Variants in DENND11 observed in about 807,000 individuals in gnomAD.
The protein encoded by DENND11 is DENN domain-containing protein 11.
DENND11 carries 34 observed loss-of-function variants against 49.2 expected under a neutral mutation model. That is an observed-to-expected ratio of 0.69 (90% confidence interval 0.53 to 0.92). DENND11 has a LOEUF of 0.92. DENND11 is among the 40% of genes least tolerant of loss of function. The pLI is 0.00. For synonymous variants in DENND11, 238 were observed against 230.3 expected (o/e 1.03, Z -0.30); for missense variants, 475 against 581.6 (o/e 0.82, Z 1.88).
chr7:141,701,805 C>A (rs1337728113), intron 1 of DENND11, 81 bp downstream of exon 1: 20 of 1,081,264 alleles, frequency 1.8e-5, no homozygotes, highest in Non-Finnish European at 2.3e-5. Flanking sequence ...GGTGCGCGCG[C>A]AGCGAGCCCC....
intron 4 of DENND11, among the ~76,000 whole-genome samples, chr7:141,671,898 G>T (rs140385176): frequency 8.2e-4 from 125 of 152,340 alleles, no homozygotes; most frequent in African/African-American, 2.9e-3. Context: ...ACCTGCAAAT[G>T]ACAATTCCTA....
chr7:141,693,409 A>G (rs1429161115), intron 1 of DENND11, among the ~76,000 whole-genome samples: 1 of 152,252 alleles, frequency 6.6e-6, no homozygotes, highest in Non-Finnish European at 1.5e-5. Context: ...ATAAAATGGC[A>G]CAACCACTTT....
chr7:141,675,596 C>A (rs530198895), intron 3 of DENND11, among the ~76,000 whole-genome samples: 88 of 152,252 alleles, frequency 5.8e-4, no homozygotes, highest in African/African-American at 2.1e-3. Flanking sequence ...AAAATAGGCA[C>A]TCCCCGCTGC....
intron 2 of DENND11, among the ~76,000 whole-genome samples, chr7:141,685,912 C>T (rs1282114795): frequency 6.6e-6 from 1 of 152,200 alleles, no homozygotes; most frequent in African/African-American, 2.4e-5. Context: ...TGCACCACGA[C>T]TAATGACTTG....
intron 5 of DENND11, among the ~76,000 whole-genome samples, chr7:141,665,895 T>C (rs1355229099): frequency 6.6e-6 from 1 of 151,716 alleles, no homozygotes; most frequent in Admixed American, 6.6e-5. Flanking sequence ...ACTAACCTTA[T>C]CAAGCCAGCC....
At chr7:141,683,419 T>C (rs1161984268) in intron 3 of DENND11, among the ~76,000 whole-genome samples, 1 of 152,044 alleles carries the variant, frequency 6.6e-6, no homozygotes, top group Non-Finnish European at 1.5e-5. Context: ...GGTGGGCAGA[T>C]CACGAGGTCA....
At chr7:141,662,984 TAAAAA>T in intron 8 of DENND11, 133 bp from the exon 9 acceptor site, 1 of 601,984 alleles carries the variant, frequency 1.7e-6, no homozygotes. Context: ...AGGTATCTTT[TAAAAA>T]AAGAAAAGAG....
chr7:141,700,490 AAG>A lies in DENND11; in HGVS notation c.268+1394_268+1395del, dbSNP rs985227067. Among the ~76,000 whole-genome samples, 421 of 151,946 alleles carry A rather than the reference AAG, an allele frequency of 2.8e-3. 1 individual carries two copies. Among genetic ancestry groups the A allele is most frequent in the Non-Finnish European group, 3.4e-3 (228 of 67,950 alleles). ...GAGACACTGTCTGAAAAAAAAAAAAAAGAGAGAGAAAAAAGAATGCATTACAT... is the reference window on the plus strand; with the variant it reads ...GAGACACTGTCTGAAAAAAAAAAAAAAGAGAGAAAAAAGAATGCATTACAT... On this transcript the variant is annotated intron_variant, in intron 1 of 8. Transcript: ENST00000536163.
In DENND11 at chr7:141,662,763, G is replaced by T; in HGVS notation, c.1261C>A (p.Arg421=). The T allele has an allele frequency of 6.2e-7, 1 of 1,609,608 alleles. No individual in the cohort carries two copies. Among genetic ancestry groups the T allele is most frequent in the African/African-American group, 1.3e-5 (1 of 74,916 alleles). Residue 421 remains arginine, a synonymous_variant, in exon 9 of 9, where the codon CGG becomes AGG. Transcript: ENST00000536163. ...CCTTGGGGGTCTAGGCCCATGCCCC[G>T]GGCATGCTCTGCTGTCAGAGTTTTG... ...QDKTLTAEHA[R]GMGLDPQGDR...
intron 5 of DENND11, among the ~76,000 whole-genome samples, chr7:141,665,565 GTCTTGCTTAGAATTTGAC>G (rs1330482350): frequency 6.6e-6 from 1 of 152,066 alleles, no homozygotes; most frequent in Non-Finnish European, 1.5e-5. Context: ...TCTCTAGCTG[GTCTTGCTTAGAATTTGAC>G]CTTGTCAGAA....
chr7:141,696,578 G>T (rs973718939), intron 1 of DENND11, among the ~76,000 whole-genome samples: 1 of 152,172 alleles, frequency 6.6e-6, no homozygotes, highest in Non-Finnish European at 1.5e-5. Flanking sequence ...GACCTCAGGA[G>T]TGGAACTCCC....
chr7:141,686,722 A>T (rs1407882983), intron 1 of DENND11, 64 bp from the exon 2 acceptor site: 1 of 1,113,668 alleles, frequency 9.0e-7, no homozygotes, highest in African/African-American at 1.5e-5. Flanking sequence ...GGGTTAGTAC[A>T]GGGCTTAGCA....
intron 8 of DENND11, chr7:141,663,849 T>C: frequency 3.0e-6 from 1 of 333,416 alleles, no homozygotes; most frequent in Non-Finnish European, 5.5e-6. Context: ...AAGGAGGCAA[T>C]GGAAATGAGA....
At chr7:141,695,847 C>G (rs1486212978) in intron 1 of DENND11, among the ~76,000 whole-genome samples, 1 of 152,176 alleles carries the variant, frequency 6.6e-6, no homozygotes, top group Non-Finnish European at 1.5e-5. Flanking sequence ...ACAGGCACTT[C>G]CTAGCCTCTA....
intron 1 of DENND11, among the ~76,000 whole-genome samples, chr7:141,687,631 A>ACTTTTTTTTTTTTTTTTTTTTTTTTT (rs1554410465): frequency 8.9e-6 from 1 of 112,826 alleles, no homozygotes; most frequent in African/African-American, 3.3e-5. Flanking sequence ...CACTCGGCTA[A>ACTTTTTTTTTTTTTTTTTTTTTTTTT]TTTTTTTTTT....
intron 1 of DENND11, chr7:141,701,469 G>GGGA: frequency 6.8e-6 from 1 of 146,694 alleles, no homozygotes; most frequent in African/African-American, 2.5e-5. Context: ...GGAGCTCAGG[G>GGGA]CGCTCGCCCG....
At chr7:141,694,060 G>A (rs944241871) in intron 1 of DENND11, among the ~76,000 whole-genome samples, 1 of 152,132 alleles carries the variant, frequency 6.6e-6, no homozygotes, top group Non-Finnish European at 1.5e-5. Flanking sequence ...AATTATATGT[G>A]TATGAGTGAG....
rs369386094 is a variant in DENND11, at chr7:141,662,759, C to G, written c.1265G>C (p.Gly422Ala). 6.2e-7 allele frequency: 1 copy of G among 1,610,250 alleles called. No individual in the cohort carries two copies. The highest frequency in any genetic ancestry group is 2.2e-5 in the East Asian group (1 of 44,738). The change falls in exon 9 of 9, where the codon GGC becomes GCC. Residue 422 changes from glycine (G) to alanine (A), a missense_variant. By Grantham distance (60) the Gly-to-Ala change is moderately conservative. Coordinates refer to ENST00000536163, the MANE Select transcript of DENND11 (RefSeq NM_001080392.2). ...DKTLTAEHARGMGLDPQGDRS... is the reference protein window; with the variant it reads ...DKTLTAEHARAMGLDPQGDRS... Reference sequence around the variant, plus strand: ...GTCTCCTTGGGGGTCTAGGCCCATGCCCCGGGCATGCTCTGCTGTCAGAGT... The same window carrying G: ...GTCTCCTTGGGGGTCTAGGCCCATGGCCCGGGCATGCTCTGCTGTCAGAGT...
intron 1 of DENND11, among the ~76,000 whole-genome samples, chr7:141,693,316 C>A (rs920174992): frequency 2.6e-5 from 4 of 152,184 alleles, no homozygotes; most frequent in Non-Finnish European, 4.4e-5. Context: ...GATATCATGA[C>A]ACACATATCA....
Sources: gnomAD v4.1 joint callset for allele counts (sites outside exome capture counted in the v4.1 genomes callset) on GRCh38, gnomAD v4.1.1 for gene constraint, MANE v1.5 for transcripts, NCBI Gene and HGNC (gene_info 2026-07-23, HGNC 2026-07-21) for gene names.